AMPH: variants seen among roughly 807,000 people sequenced by gnomAD.
The protein encoded by AMPH is amphiphysin (Stiff-Mann syndrome with breast cancer 128kD autoantigen).
AMPH carries 49 observed loss-of-function variants against 99.1 expected under a neutral mutation model. The observed-to-expected ratio is 0.49, with a 90% CI of 0.39 to 0.63. The LOEUF (loss-of-function observed/expected upper bound fraction) is 0.63. Ranked by LOEUF, AMPH falls within the 20% of genes least tolerant of loss-of-function variation. The probability of loss-of-function intolerance (pLI) is 0.00; values close to 1 mark genes in which losing one functional copy is unlikely to be tolerated. For missense variants in AMPH, 759 were observed against 863.4 expected (o/e 0.88, Z 1.52); for synonymous variants, 314 against 317.3 (o/e 0.99, Z 0.11).
chr7:38,600,080 A>G (rs189668890), intron 1 of AMPH, among the ~76,000 whole-genome samples: 82 of 152,238 alleles, frequency 5.4e-4, no homozygotes, highest in South Asian at 2.7e-3. Context: ...CCTCGCCAAG[A>G]GGTAACAAGG....
chr7:38,476,931 A>G lies in AMPH; in HGVS notation c.435T>C (p.Tyr145=). ...IAKRSRKLVD[Y]DSARHHLEAL... is the part of the protein sequence containing the mutation. ...CTTCCAGATGGTGGCGGGCACTGTC[A>G]TAGTCCACTAGCTTCCTGCTGCGCT... The change falls in exon 6 of 21, where the codon TAT becomes TAC. Residue 145 remains tyrosine, a synonymous_variant. Coordinates refer to ENST00000356264, the MANE Select transcript of AMPH (RefSeq NM_001635.4). 6.2e-7 allele frequency: 1 copy of G among 1,613,876 alleles called. No individual in the cohort carries two copies. Among genetic ancestry groups the G allele is most frequent in the Non-Finnish European group, 8.5e-7 (1 of 1,179,874 alleles).
chr7:38,591,437 G>A lies in AMPH; in HGVS notation c.69+39846C>T, dbSNP rs181569011. The stretch of plus-strand genomic sequence containing the variant: ...CTAGTAGCTGGAATTCCAGGCGTGC[G>A]CCACCATGCCCGGCTAATTTTGTAT... On this transcript the variant is annotated intron_variant, in intron 1 of 20. Coordinates refer to ENST00000356264, the MANE Select transcript of AMPH (RefSeq NM_001635.4). 1.5e-4 allele frequency among the ~76,000 whole-genome samples: 23 copies of A among 151,934 alleles called. No homozygotes were observed. The East Asian group carries it at 1.9e-3, about 13-fold the overall frequency.
At chr7:38,530,295 G>T (rs3807396) in intron 2 of AMPH, among the ~76,000 whole-genome samples, 10 of 152,184 alleles carry the variant, frequency 6.6e-5, no homozygotes, top group Admixed American at 6.5e-4. Flanking sequence ...CAACTCATGG[G>T]AGGCTGGTCT....
intron 14 of AMPH, chr7:38,428,639 G>T (rs955785647): frequency 6.6e-6 from 3 of 456,496 alleles, no homozygotes; most frequent in East Asian, 7.0e-5. Context: ...CCTCAGGGCT[G>T]CCATCTTCAA....
intron 2 of AMPH, among the ~76,000 whole-genome samples, chr7:38,532,519 T>C (rs1790441544): frequency 6.6e-6 from 1 of 152,164 alleles, no homozygotes. Flanking sequence ...GGTGGTAGTC[T>C]TCATGGGTGC....
intron 1 of AMPH, among the ~76,000 whole-genome samples, chr7:38,598,781 T>G (rs1274875222): frequency 6.6e-6 from 1 of 152,218 alleles, no homozygotes; most frequent in African/African-American, 2.4e-5. Flanking sequence ...TAATTTGTAC[T>G]TTAACTGATT....
At position 38,431,821 on chromosome 7, in the gene AMPH, G is replaced by A. The variant is rs956861257; in HGVS notation, c.1158+368C>T. 5.3e-5 allele frequency among the ~76,000 whole-genome samples: 8 copies of A among 152,042 alleles called. No individual in the cohort carries two copies. In the South Asian group the frequency reaches 1.5e-3, roughly 28 times the overall value. On this transcript the variant is annotated intron_variant, in intron 13 of 20. Transcript: ENST00000356264. ...TTAAAATGGTACCATGTGCCAAGTA[G>A]CCCATCTCTTCCATTTTCTCATTCA...
At chr7:38,518,806 G>C (rs1487332176) in intron 2 of AMPH, among the ~76,000 whole-genome samples, 1 of 152,142 alleles carries the variant, frequency 6.6e-6, no homozygotes, top group African/African-American at 2.4e-5. Context: ...GGGGCTGTTG[G>C]GATGGAATAA....
intron 1 of AMPH, among the ~76,000 whole-genome samples, chr7:38,570,340 T>C (rs1324645554): frequency 1.3e-5 from 2 of 152,222 alleles, no homozygotes; most frequent in Admixed American, 1.3e-4. Context: ...TAGTGAGTTC[T>C]GATGTTTGTA....
At chr7:38,612,068 A>T (rs1357915850) in intron 1 of AMPH, among the ~76,000 whole-genome samples, 2 of 142,518 alleles carry the variant, frequency 1.4e-5, no homozygotes, top group East Asian at 3.9e-4. Flanking sequence ...CACTGCTAAG[A>T]CTGATTTTTT....
intron 1 of AMPH, among the ~76,000 whole-genome samples, chr7:38,617,533 G>T (rs1793918850): frequency 6.6e-6 from 1 of 152,148 alleles, no homozygotes; most frequent in South Asian, 2.1e-4. Flanking sequence ...AAATCCTGAG[G>T]GACCTAGAAA....
At chr7:38,434,609 G>A (rs1786184835) in intron 12 of AMPH, among the ~76,000 whole-genome samples, 1 of 152,076 alleles carries the variant, frequency 6.6e-6, no homozygotes, top group Non-Finnish European at 1.5e-5. Flanking sequence ...CGTGGTGGCA[G>A]GCGCCTGTAG....
chr7:38,569,262 T>TA (rs887122063), intron 1 of AMPH, among the ~76,000 whole-genome samples: 75 of 143,604 alleles, frequency 5.2e-4, no homozygotes, highest in South Asian at 5.1e-3. Flanking sequence ...TTCTACTGTT[T>TA]AAAAAAAAAA....
At chr7:38,500,555 T>C (rs1233257641) in intron 3 of AMPH, among the ~76,000 whole-genome samples, 1 of 152,152 alleles carries the variant, frequency 6.6e-6, no homozygotes. Context: ...CCAGTCTCTA[T>C]AAGCAGCACG....
chr7:38,516,077 C>A (rs1429581455), intron 2 of AMPH, among the ~76,000 whole-genome samples: 1 of 152,158 alleles, frequency 6.6e-6, no homozygotes, highest in Non-Finnish European at 1.5e-5. Flanking sequence ...GGGAAGTAGA[C>A]TGTAAAAGTT....
chr7:38,465,512 C>T lies in AMPH; in HGVS notation c.704G>A (p.Gly235Asp). The part of the protein sequence containing the change: ...HKLYEVMTKL[G>D]DQHADKAFTI... ...GAAGGCCTTGTCGGCGTGCTGGTCA[C>T]CCAGTTTTGTCATCACTTCATACAG... is the stretch of plus-strand genomic sequence containing the variant. Residue 235 changes from glycine to aspartate, a missense_variant, in exon 9 of 21, where the codon GGT becomes GAT. Physicochemically the swap from Gly to Asp is moderately conservative, Grantham distance 94. Coordinates refer to ENST00000356264, the MANE Select transcript of AMPH (RefSeq NM_001635.4). 4.4e-6 allele frequency: 7 copies of T among 1,585,956 alleles called. No homozygotes were observed. Among genetic ancestry groups the T allele is most frequent in the Non-Finnish European group, 6.0e-6 (7 of 1,164,358 alleles).
intron 2 of AMPH, among the ~76,000 whole-genome samples, chr7:38,517,541 C>A (rs902071869): frequency 6.6e-6 from 1 of 152,178 alleles, no homozygotes; most frequent in South Asian, 2.1e-4. Flanking sequence ...AACCTCATTT[C>A]TTTATGATTA....
intron 19 of AMPH, 105 bp from the exon 20 acceptor site, chr7:38,390,010 C>A (rs1784445401): frequency 1.1e-6 from 1 of 911,250 alleles, no homozygotes; most frequent in South Asian, 1.4e-5. Flanking sequence ...AGATATTTGC[C>A]ATATCCCAAG....
At chr7:38,523,544 G>A (rs917349310) in intron 2 of AMPH, among the ~76,000 whole-genome samples, 7 of 152,178 alleles carry the variant, frequency 4.6e-5, no homozygotes, top group African/African-American at 1.7e-4. Context: ...AAATTTGGAG[G>A]AACTGCACTC....
Sources: gnomAD v4.1 joint callset for allele counts (sites outside exome capture counted in the v4.1 genomes callset) on GRCh38, gnomAD v4.1.1 for gene constraint, MANE v1.5 for transcripts, NCBI Gene and HGNC (gene_info 2026-07-23, HGNC 2026-07-21) for gene names.